The following NXPH2 variants were observed in gnomAD, a reference collection of about 807,000 sequenced individuals.
NXPH2 encodes neurexophilin-2.
NXPH2 carries 5 observed loss-of-function variants against 19.8 expected under a neutral mutation model. The ratio of observed to expected loss-of-function variants is 0.25; its 90% CI spans 0.13 to 0.53. NXPH2 has a LOEUF of 0.53. Ranked by LOEUF, NXPH2 falls within the 20% of genes least tolerant of loss-of-function variation. The pLI is 0.96. For missense variants in NXPH2, 289 were observed against 322.8 expected (o/e 0.90, Z 0.80); for synonymous variants, 154 against 127.4 (o/e 1.21, Z -1.41).
At chr2:138,750,359 A>G (rs1681810697) in intron 1 of NXPH2, among the ~76,000 whole-genome samples, 1 of 152,190 alleles carries the variant, frequency 6.6e-6, no homozygotes. Flanking sequence ...ATTAATACAT[A>G]GTCCAAATAT....
chr2:138,754,604 T>C (rs537232460), intron 1 of NXPH2, among the ~76,000 whole-genome samples: 16 of 152,320 alleles, frequency 1.1e-4, no homozygotes, highest in South Asian at 4.1e-4. Context: ...GCACAGCTTG[T>C]GTGCTTCCAG....
At position 138,670,138 on chromosome 2, in the gene NXPH2, T is replaced by G. The variant is rs1056395658; in HGVS notation, c.*784A>C. ...ATAGGATGCATACAAATTTTGTCAT[T>G]TTTTGATTAATTCCACAGCATTTGA... On this transcript the variant is annotated 3_prime_UTR_variant, in exon 2 of 2. Coordinates refer to ENST00000272641, the MANE Select transcript of NXPH2 (RefSeq NM_007226.3). Among the ~76,000 whole-genome samples, 6 of 152,246 alleles carry G rather than the reference T, an allele frequency of 3.9e-5. No individual in the cohort carries two copies. Among genetic ancestry groups the G allele is most frequent in the African/African-American group, 1.4e-4 (6 of 41,460 alleles).
chr2:138,732,429 T>A (rs1393968765), intron 1 of NXPH2, among the ~76,000 whole-genome samples: 1 of 152,094 alleles, frequency 6.6e-6, no homozygotes, highest in Admixed American at 6.6e-5. Flanking sequence ...GAAACACTGA[T>A]GTGTGAGATT....
At chr2:138,759,757 T>A (rs1182335815) in intron 1 of NXPH2, among the ~76,000 whole-genome samples, 14 of 134,164 alleles carry the variant, frequency 1.0e-4, no homozygotes, top group Admixed American at 5.2e-4. Flanking sequence ...TGAGACGGAG[T>A]CTTGCTCTGT....
intron 1 of NXPH2, among the ~76,000 whole-genome samples, chr2:138,710,232 T>C (rs1241278265): frequency 6.6e-6 from 1 of 152,226 alleles, no homozygotes; most frequent in African/African-American, 2.4e-5. Context: ...GCCGTAAATA[T>C]ATCAGAACTC....
intron 1 of NXPH2, among the ~76,000 whole-genome samples, chr2:138,674,751 A>G (rs891683333): frequency 6.6e-6 from 1 of 152,224 alleles, no homozygotes; most frequent in Non-Finnish European, 1.5e-5. Flanking sequence ...AGGGCCAAGG[A>G]TGCATGGGCA....
At chr2:138,734,479 G>T (rs1413078694) in intron 1 of NXPH2, among the ~76,000 whole-genome samples, 1 of 152,194 alleles carries the variant, frequency 6.6e-6, no homozygotes, top group East Asian at 1.9e-4. Flanking sequence ...GTGACAGGTG[G>T]TAGAAAGGAA....
chr2:138,750,752 TC>T (rs1681817792), intron 1 of NXPH2, among the ~76,000 whole-genome samples: 1 of 152,130 alleles, frequency 6.6e-6, no homozygotes, highest in Non-Finnish European at 1.5e-5. Context: ...ATACACAGTC[TC>T]AGTAACTTCA....
chr2:138,671,327 G>A lies in NXPH2; in HGVS notation c.390C>T (p.Ile130=). 1 of 1,613,838 alleles carries A rather than the reference G, an allele frequency of 6.2e-7. No homozygotes were observed. Among genetic ancestry groups the A allele is most frequent in the Non-Finnish European group, 8.5e-7 (1 of 1,179,782 alleles). ...NIKTVKLNLL[I]TGKIVDHGNG... ...TTCCATGGTCAACAATTTTCCCTGT[G>A]ATGAGGAGATTGAGTTTGACAGTTT... The change falls in exon 2 of 2, where the codon ATC becomes ATT. Residue 130 remains isoleucine (I), a synonymous_variant. Transcript: ENST00000272641.
intron 1 of NXPH2, among the ~76,000 whole-genome samples, chr2:138,709,007 C>A (rs1048913878): frequency 6.6e-6 from 1 of 152,216 alleles, no homozygotes; most frequent in African/African-American, 2.4e-5. Flanking sequence ...CTTTGGCATT[C>A]TACCAAACAA....
intron 1 of NXPH2, among the ~76,000 whole-genome samples, chr2:138,768,994 C>G (rs1682133603): frequency 6.6e-6 from 1 of 152,122 alleles, no homozygotes; most frequent in African/African-American, 2.4e-5. Flanking sequence ...AACATACAGG[C>G]CCCGTCGCAG....
intron 1 of NXPH2, among the ~76,000 whole-genome samples, chr2:138,713,679 C>A (rs113357659): frequency 1.4e-3 from 211 of 152,030 alleles, no homozygotes; most frequent in African/African-American, 4.9e-3. Context: ...CAGAGACTGC[C>A]TCATGATGTG....
chr2:138,725,737 T>C (rs1431712231), intron 1 of NXPH2, among the ~76,000 whole-genome samples: 1 of 152,208 alleles, frequency 6.6e-6, no homozygotes, highest in Non-Finnish European at 1.5e-5. Context: ...CGGTGAATTA[T>C]GTTTTCCAGC....
intron 1 of NXPH2, among the ~76,000 whole-genome samples, chr2:138,746,113 G>C (rs1185278567): frequency 3.3e-5 from 5 of 152,188 alleles, no homozygotes; most frequent in Non-Finnish European, 7.3e-5. Flanking sequence ...TTGGCACCTT[G>C]AGCCCATTCT....
chr2:138,733,303 G>A (rs1573970636), intron 1 of NXPH2, among the ~76,000 whole-genome samples: 1 of 152,316 alleles, frequency 6.6e-6, no homozygotes, highest in Non-Finnish European at 1.5e-5. Flanking sequence ...TGTTAACTGA[G>A]AGTAACTCAG....
chr2:138,763,997 A>G (rs1002247978), intron 1 of NXPH2, among the ~76,000 whole-genome samples: 4 of 152,202 alleles, frequency 2.6e-5, no homozygotes, highest in Non-Finnish European at 1.5e-5. Context: ...TGACATCCAC[A>G]TTCTTTGTGT....
intron 1 of NXPH2, among the ~76,000 whole-genome samples, chr2:138,778,734 T>C (rs1303129201): frequency 2.6e-5 from 4 of 152,214 alleles, no homozygotes; most frequent in Non-Finnish European, 5.9e-5. Context: ...GACTAAAAAA[T>C]TTTAAAGCAA....
intron 1 of NXPH2, among the ~76,000 whole-genome samples, chr2:138,766,666 A>G (rs993550741): frequency 6.6e-6 from 1 of 152,202 alleles, no homozygotes; most frequent in Non-Finnish European, 1.5e-5. Flanking sequence ...GCATGACTTT[A>G]CCACTGCTGG....
At chr2:138,752,532 A>G (rs1399982373) in intron 1 of NXPH2, among the ~76,000 whole-genome samples, 1 of 152,162 alleles carries the variant, frequency 6.6e-6, no homozygotes. Context: ...GTTCCCATAT[A>G]CATCACACCT....
Sources: gnomAD v4.1 joint callset for allele counts (sites outside exome capture counted in the v4.1 genomes callset) on GRCh38, gnomAD v4.1.1 for gene constraint, MANE v1.5 for transcripts, NCBI Gene and HGNC (gene_info 2026-07-23, HGNC 2026-07-21) for gene names.